The following DNAH7 variants were observed in gnomAD, a reference collection of about 807,000 sequenced individuals.
DNAH7 encodes axonemal beta dynein heavy chain 7.
In DNAH7, 397 loss-of-function variants were observed where a neutral mutation model predicts 444.6. The ratio of observed to expected loss-of-function variants is 0.89; its 90% CI spans 0.82 to 0.97. The LOEUF (loss-of-function observed/expected upper bound fraction) is 0.97. Among genes scored for constraint, DNAH7 ranks in the 50% least tolerant of loss-of-function variants. The probability of loss-of-function intolerance (pLI) is 0.00; values close to 1 mark genes in which losing one functional copy is unlikely to be tolerated. For synonymous variants in DNAH7, 1,636 were observed against 1,624.4 expected, an observed-to-expected ratio of 1.01 and a Z score of -0.17; for missense variants, 4,902 against 4,800.8, an observed-to-expected ratio of 1.02 and a Z score of -0.62.
At chr2:195,802,967 G>A (rs1207130583) in intron 54 of DNAH7, among the ~76,000 whole-genome samples, 1 of 152,166 alleles carries the variant, frequency 6.6e-6, no homozygotes, top group Non-Finnish European at 1.5e-5. Flanking sequence ...TCGTCTTTCT[G>A]TGTCTGACTT....
At chr2:195,752,270 C>CAAA (rs67890551) in intron 63 of DNAH7, among the ~76,000 whole-genome samples, 78 of 132,702 alleles carry the variant, frequency 5.9e-4, no homozygotes, top group African/African-American at 6.6e-4. Flanking sequence ...GACCCTATCT[C>CAAA]AAAAAAAAAA....
At chr2:196,007,868 C>T (rs563570796) in intron 10 of DNAH7, among the ~76,000 whole-genome samples, 3 of 152,210 alleles carry the variant, frequency 2.0e-5, no homozygotes, top group Admixed American at 2.0e-4. Flanking sequence ...TCTTTATTAA[C>T]AGTGTGAGAA....
At chr2:195,862,435 C>G (rs1417839114) in intron 41 of DNAH7, among the ~76,000 whole-genome samples, 2 of 152,146 alleles carry the variant, frequency 1.3e-5, no homozygotes, top group Non-Finnish European at 2.9e-5. Context: ...TGCTTGCATT[C>G]TCTACATAGC....
At position 195,834,330 on chromosome 2, in the gene DNAH7, A is replaced by G; in HGVS notation, c.8976T>C (p.Asp2992=). 6.2e-7 allele frequency: 1 copy of G among 1,602,192 alleles called. No individual in the cohort carries two copies. The highest frequency in any genetic ancestry group is 8.5e-7 in the Non-Finnish European group (1 of 1,170,946). The change falls in exon 48 of 65, where the codon GAT becomes GAC. Residue 2992 remains aspartate, a synonymous_variant. Coordinates refer to ENST00000312428, the MANE Select transcript of DNAH7 (RefSeq NM_018897.3). ...MNARRWPLMI[D]PQSQANKWIK... is the part of the protein sequence containing the mutation. ...TCCATTTATTAGCCTGACTTTGAGG[A>G]TCTATCATCAGAGGCCACCTTCTTG...
intron 28 of DNAH7, among the ~76,000 whole-genome samples, chr2:195,899,026 A>G (rs1375124650): frequency 1.3e-5 from 2 of 152,196 alleles, no homozygotes; most frequent in African/African-American, 4.8e-5. Context: ...AATAAATGCC[A>G]TATTCTCACT....
intron 21 of DNAH7, among the ~76,000 whole-genome samples, chr2:195,934,383 G>A (rs114527302): frequency 1.6e-3 from 247 of 152,254 alleles, no homozygotes; most frequent in African/African-American, 5.8e-3. Flanking sequence ...TTGTAGTATG[G>A]ATGGTATTTT....
chr2:195,829,986 G>T (rs1697982821), intron 48 of DNAH7, among the ~76,000 whole-genome samples: 1 of 151,648 alleles, frequency 6.6e-6, no homozygotes, highest in Admixed American at 6.6e-5. Flanking sequence ...TTTAAAAAAA[G>T]GAAAAAATGT....
chr2:195,744,232 G>A (rs1693234532), intron 63 of DNAH7, among the ~76,000 whole-genome samples: 1 of 152,234 alleles, frequency 6.6e-6, no homozygotes, highest in Non-Finnish European at 1.5e-5. Context: ...GGCTCGGAGG[G>A]GCCTACGCCC....
At chr2:195,796,948 C>T (rs1696174426) in intron 55 of DNAH7, among the ~76,000 whole-genome samples, 1 of 152,124 alleles carries the variant, frequency 6.6e-6, no homozygotes, top group African/African-American at 2.4e-5. Flanking sequence ...AGGAAATAGT[C>T]ATGGCAATAA....
At position 195,972,472 on chromosome 2, in the gene DNAH7, G is replaced by T. The variant is rs1411336201; in HGVS notation, c.1834-6C>A. 5.6e-6 allele frequency: 9 copies of T among 1,608,994 alleles called. No individual in the cohort carries two copies. The African/African-American group carries it at 1.1e-4, about 19-fold the overall frequency. The stretch of plus-strand genomic sequence containing the variant: ...TCCACTTTCTGAATGTAAGCCTGAG[G>T]GAAAACAAAAATTACAGGTGACATT... On this transcript the variant is annotated splice_region_variant and splice_polypyrimidine_tract_variant and intron_variant, in intron 15 of 64. Coordinates refer to ENST00000312428, the MANE Select transcript of DNAH7 (RefSeq NM_018897.3).
intron 55 of DNAH7, among the ~76,000 whole-genome samples, chr2:195,797,392 T>C (rs1696203335): frequency 6.6e-6 from 1 of 152,142 alleles, no homozygotes; most frequent in Non-Finnish European, 1.5e-5. Context: ...TGGCTTATTG[T>C]CACTAGCTGG....
intron 2 of DNAH7, among the ~76,000 whole-genome samples, chr2:196,055,200 AC>A (rs1697730169): frequency 6.6e-6 from 1 of 152,138 alleles, no homozygotes; most frequent in Admixed American, 6.5e-5. Context: ...TACCAAAAAT[AC>A]AAAAATTAGC....
At chr2:195,948,240 C>T (rs1271115992) in intron 19 of DNAH7, among the ~76,000 whole-genome samples, 5 of 152,016 alleles carry the variant, frequency 3.3e-5, no homozygotes, top group Admixed American at 6.6e-5. Flanking sequence ...ATTCTGTAGA[C>T]TGCCTGTTTA....
intron 54 of DNAH7, among the ~76,000 whole-genome samples, chr2:195,805,251 G>C (rs75795021): frequency 6.6e-6 from 1 of 151,822 alleles, no homozygotes; most frequent in Non-Finnish European, 1.5e-5. Flanking sequence ...TATAAAACAC[G>C]AACTTTTTTT....
Position 195,864,736 on chromosome 2 carries a change from T to C in DNAH7, c.6919A>G (p.Ser2307Gly). 1 of 1,614,250 alleles carries C rather than the reference T, an allele frequency of 6.2e-7. No homozygotes were observed. Among genetic ancestry groups the C allele is most frequent in the Non-Finnish European group, 8.5e-7 (1 of 1,180,054 alleles). Residue 2307 changes from serine (S) to glycine (G), a missense_variant, in exon 41 of 65, where the codon AGC becomes GGC. Transcript: ENST00000312428. ...EIHLEEYNNI[S>G]KKPMNLVLFR... is the part of the protein sequence containing the mutation. Reference sequence around the variant, plus strand: ...AAGACAAGGTTCATGGGTTTTTTGCTTATATTGTTGTATTCTTCTAGGTGA... The same window carrying C: ...AAGACAAGGTTCATGGGTTTTTTGCCTATATTGTTGTATTCTTCTAGGTGA...
chr2:195,960,530 G>T lies in DNAH7; in HGVS notation c.2621C>A (p.Ser874Tyr). ...PLQPSDDSTV[S>Y]SFLDMNLEPY... is the part of the protein sequence containing the mutation. Reference sequence around the variant, plus strand: ...TTCCAGATTCATGTCTAAAAAAGAGGAGACTGTGGAGTCATCTGATGGCTG... The same window carrying T: ...TTCCAGATTCATGTCTAAAAAAGAGTAGACTGTGGAGTCATCTGATGGCTG... The change falls in exon 18 of 65, where the codon TCC (serine) becomes TAC (tyrosine). Residue 874 changes from serine (S) to tyrosine (Y), a missense_variant. Transcript: ENST00000312428. 1 of 1,614,162 alleles carries T rather than the reference G, an allele frequency of 6.2e-7. No homozygotes were observed. The highest frequency in any genetic ancestry group is 8.5e-7 in the Non-Finnish European group (1 of 1,180,020).
intron 61 of DNAH7, among the ~76,000 whole-genome samples, chr2:195,759,569 G>A (rs1179345345): frequency 6.6e-6 from 1 of 152,126 alleles, no homozygotes; most frequent in Non-Finnish European, 1.5e-5. Context: ...GACTGCTACA[G>A]TGGGGTATGC....
At chr2:195,829,979 A>T (rs1697982010) in intron 48 of DNAH7, among the ~76,000 whole-genome samples, 1 of 152,008 alleles carries the variant, frequency 6.6e-6, no homozygotes, top group Admixed American at 6.5e-5. Flanking sequence ...TTTGAATTTT[A>T]AAAAAAGGAA....
intron 48 of DNAH7, 83 bp from the exon 49 acceptor site, chr2:195,824,528 C>T: frequency 8.3e-7 from 1 of 1,207,198 alleles, no homozygotes; most frequent in Non-Finnish European, 1.1e-6. Flanking sequence ...CAAGTTCTTT[C>T]AGCCTTATAG....
Sources: gnomAD v4.1 joint callset for allele counts (sites outside exome capture counted in the v4.1 genomes callset) on GRCh38, gnomAD v4.1.1 for gene constraint, MANE v1.5 for transcripts, NCBI Gene and HGNC (gene_info 2026-07-23, HGNC 2026-07-21) for gene names.